PAK5: variants seen among roughly 807,000 people sequenced by gnomAD.
PAK5 encodes the protein serine/threonine-protein kinase PAK 5.
In PAK5, 16 loss-of-function variants were observed where a neutral mutation model predicts 65.9. The observed-to-expected ratio is 0.24, with a 90% CI of 0.16 to 0.37. The LOEUF (loss-of-function observed/expected upper bound fraction) is 0.37, where lower values mean the gene tolerates loss of function less well. Among genes scored for constraint, PAK5 ranks in the 10% least tolerant of loss-of-function variants. PAK5 has a pLI of 1.00. For synonymous variants in PAK5, 371 were observed against 354.9 expected (o/e 1.05, Z -0.51); for missense variants, 785 against 903.9 (o/e 0.87, Z 1.69).
intron 1 of PAK5, among the ~76,000 whole-genome samples, chr20:9,826,672 C>T (rs373500998): frequency 1.3e-5 from 2 of 152,270 alleles, no homozygotes; most frequent in African/African-American, 2.4e-5. Flanking sequence ...TGGGATCACT[C>T]GCTTTGATTT....
intron 2 of PAK5, among the ~76,000 whole-genome samples, chr20:9,645,590 T>A (rs2047123556): frequency 6.8e-6 from 1 of 147,276 alleles, no homozygotes; most frequent in South Asian, 2.1e-4. Flanking sequence ...CTACACTTCT[T>A]TTTTTTTTTT....
At chr20:9,784,109 G>A (rs913595980) in intron 1 of PAK5, among the ~76,000 whole-genome samples, 1 of 151,946 alleles carries the variant, frequency 6.6e-6, no homozygotes, top group African/African-American at 2.4e-5. Flanking sequence ...CCAAATAATG[G>A]GAATCTCAGA....
chr20:9,571,787 A>G (rs1444380535), intron 4 of PAK5, among the ~76,000 whole-genome samples: 1 of 151,578 alleles, frequency 6.6e-6, no homozygotes. Flanking sequence ...CCCAAAGCTA[A>G]AAGAAGGGAG....
At chr20:9,717,162 A>C (rs1943712017) in intron 1 of PAK5, among the ~76,000 whole-genome samples, 1 of 152,196 alleles carries the variant, frequency 6.6e-6, no homozygotes, top group South Asian at 2.1e-4. Flanking sequence ...ACCATTCTGA[A>C]CATGTTGATA....
intron 1 of PAK5, among the ~76,000 whole-genome samples, chr20:9,820,084 C>A (rs1482843514): frequency 6.6e-6 from 1 of 152,176 alleles, no homozygotes; most frequent in Non-Finnish European, 1.5e-5. Flanking sequence ...CAACAAATTC[C>A]TAGTTTTCTT....
At chr20:9,748,133 C>T (rs6087007) in intron 1 of PAK5, among the ~76,000 whole-genome samples, 28,326 of 150,608 alleles carry the variant, frequency 0.19, 2,462 homozygotes, top group South Asian at 0.32. Flanking sequence ...TTACAAGGGA[C>T]GTGAAGGACC....
intron 2 of PAK5, among the ~76,000 whole-genome samples, chr20:9,660,689 G>T (rs1290234941): frequency 6.6e-6 from 1 of 152,134 alleles, no homozygotes; most frequent in Non-Finnish European, 1.5e-5. Context: ...TTTGAAGTTA[G>T]AAAGGATACC....
intron 3 of PAK5, among the ~76,000 whole-genome samples, chr20:9,609,898 T>C (rs1336102826): frequency 1.3e-5 from 2 of 152,172 alleles, no homozygotes; most frequent in African/African-American, 4.8e-5. Flanking sequence ...ACACTCTAAA[T>C]CCATTCTATG....
At chr20:9,743,391 C>CAAA (rs33951813) in intron 1 of PAK5, among the ~76,000 whole-genome samples, 8 of 133,662 alleles carry the variant, frequency 6.0e-5, no homozygotes, top group African/African-American at 2.0e-4. Context: ...GCAAACAAGC[C>CAAA]AAAAAAAAAC....
intron 2 of PAK5, among the ~76,000 whole-genome samples, chr20:9,704,765 G>A (rs1053769363): frequency 1.3e-5 from 2 of 152,172 alleles, no homozygotes; most frequent in Non-Finnish European, 1.5e-5. Context: ...AAAGTGAGAC[G>A]TTACTGCTGT....
chr20:9,553,939 G>A (rs2045468694), intron 7 of PAK5, among the ~76,000 whole-genome samples: 1 of 152,162 alleles, frequency 6.6e-6, no homozygotes, highest in African/African-American at 2.4e-5. Context: ...GTATTTTCTT[G>A]AGTGGCTGTG....
At chr20:9,788,175 T>A (rs2049013534) in intron 1 of PAK5, among the ~76,000 whole-genome samples, 1 of 152,128 alleles carries the variant, frequency 6.6e-6, no homozygotes, top group Non-Finnish European at 1.5e-5. Flanking sequence ...TTCAATGTAA[T>A]GTGCAGAAAA....
At chr20:9,824,412 G>A (rs1339856982) in intron 1 of PAK5, among the ~76,000 whole-genome samples, 1 of 152,176 alleles carries the variant, frequency 6.6e-6, no homozygotes, top group Non-Finnish European at 1.5e-5. Flanking sequence ...CCAAAAAGCA[G>A]TTATGGTTTA....
At chr20:9,629,090 C>T (rs1337318955) in intron 3 of PAK5, among the ~76,000 whole-genome samples, 4 of 152,042 alleles carry the variant, frequency 2.6e-5, no homozygotes, top group African/African-American at 4.8e-5. Context: ...ATGAATTTTG[C>T]GAAGTGGATT....
chr20:9,571,258 T>A (rs1911629869), intron 4 of PAK5, among the ~76,000 whole-genome samples: 1 of 152,250 alleles, frequency 6.6e-6, no homozygotes. Flanking sequence ...ACCAAGGTGC[T>A]GAACCATTGC....
chr20:9,817,118 A>C (rs2049366320), intron 1 of PAK5, among the ~76,000 whole-genome samples: 1 of 152,110 alleles, frequency 6.6e-6, no homozygotes, highest in Non-Finnish European at 1.5e-5. Flanking sequence ...CCTGTCTCTA[A>C]AACTAACTAC....
intron 1 of PAK5, among the ~76,000 whole-genome samples, chr20:9,763,772 C>G (rs534089654): frequency 6.6e-6 from 1 of 152,244 alleles, no homozygotes; most frequent in South Asian, 2.1e-4. Context: ...GCCCAGACAA[C>G]CTTCACCTAG....
chr20:9,660,372 C>G (rs1001176188), intron 2 of PAK5, among the ~76,000 whole-genome samples: 1 of 123,990 alleles, frequency 8.1e-6, no homozygotes, highest in African/African-American at 2.7e-5. Flanking sequence ...CTCTCTCCAT[C>G]TTTTCTTTGA....
At chr20:9,583,611 T>G (rs1302211932) in intron 3 of PAK5, among the ~76,000 whole-genome samples, 1 of 152,260 alleles carries the variant, frequency 6.6e-6, no homozygotes, top group Non-Finnish European at 1.5e-5. Context: ...CCTCTGATCT[T>G]CTGGTTTATT....
Sources: gnomAD v4.1 joint callset for allele counts (sites outside exome capture counted in the v4.1 genomes callset) on GRCh38, gnomAD v4.1.1 for gene constraint, MANE v1.5 for transcripts, NCBI Gene and HGNC (gene_info 2026-07-23, HGNC 2026-07-21) for gene names.